ASIC2: variants seen among roughly 807,000 people sequenced by gnomAD.
ASIC2 encodes acid sensing ion channel subunit 2.
Under a neutral mutation model 57.3 loss-of-function variants are expected in ASIC2, and 25 were observed. That is an observed-to-expected ratio of 0.44 (90% confidence interval 0.32 to 0.61). ASIC2 has a LOEUF of 0.61. ASIC2 is among the 20% of genes least tolerant of loss of function. The probability of loss-of-function intolerance (pLI) is 0.06; values close to 1 mark genes in which losing one functional copy is unlikely to be tolerated. For synonymous variants in ASIC2, 319 were observed against 307.5 expected (o/e 1.04, Z -0.39); for missense variants, 641 against 738.1 (o/e 0.87, Z 1.52).
chr17:33,700,196 T>C (rs1908653728), intron 1 of ASIC2, among the ~76,000 whole-genome samples: 1 of 151,900 alleles, frequency 6.6e-6, no homozygotes, highest in African/African-American at 2.4e-5. Flanking sequence ...CCTTGGTAAA[T>C]GGTTAGAATA....
chr17:33,409,639 G>A lies in ASIC2; in HGVS notation c.556-297572C>T, dbSNP rs930252676. On this transcript the variant is annotated intron_variant, in intron 1 of 9. Coordinates refer to the ASIC2 transcript ENST00000359872. ...ATAGAATCGTGGTTAGGAGAGGAGC[G>A]TTTGCAGCAGGCAGCAGTATCTTCT... 6.6e-5 allele frequency among the ~76,000 whole-genome samples: 10 copies of A among 152,316 alleles called. No homozygotes were observed. In the East Asian group the frequency reaches 1.4e-3, roughly 21 times the overall value.
chr17:33,719,638 G>T (rs1476614829), intron 1 of ASIC2, among the ~76,000 whole-genome samples: 6 of 152,224 alleles, frequency 3.9e-5, no homozygotes, highest in Non-Finnish European at 7.3e-5. Flanking sequence ...TCACAGTTGG[G>T]CATGGAGCCT....
chr17:33,285,735 A>T (rs1497366), intron 1 of ASIC2, among the ~76,000 whole-genome samples: 1 of 152,014 alleles, frequency 6.6e-6, no homozygotes, highest in African/African-American at 2.4e-5. Context: ...TCACCTGCTG[A>T]GTCTGTGACT....
intron 1 of ASIC2, among the ~76,000 whole-genome samples, chr17:33,687,843 A>G (rs556880989): frequency 6.6e-6 from 1 of 152,272 alleles, no homozygotes; most frequent in East Asian, 1.9e-4. Context: ...ATTAAGATAA[A>G]TCTGGTTAGA....
chr17:33,442,662 T>G lies in ASIC2; in HGVS notation c.556-330595A>C, dbSNP rs1445602210. 5.9e-5 allele frequency among the ~76,000 whole-genome samples: 9 copies of G among 151,716 alleles called. No individual in the cohort carries two copies. The East Asian group carries it at 7.7e-4, about 13-fold the overall frequency. On this transcript the variant is annotated intron_variant, in intron 1 of 9. Transcript: ENST00000359872. ...TTCACTAGTTATAGTAGTTTCTGGG[T>G]TTTTTTTTCTTTCTTGGTAGATTCC...
intron 1 of ASIC2, among the ~76,000 whole-genome samples, chr17:33,675,581 A>T (rs1192725606): frequency 1.1e-5 from 1 of 93,048 alleles, no homozygotes; most frequent in Non-Finnish European, 2.2e-5. Context: ...TTTTTAAATT[A>T]AAAAAAAATT....
rs1370560967 is a variant in ASIC2, at chr17:33,017,609, T to C, written c.1517A>G (p.Tyr506Cys). The C allele has an allele frequency of 1.9e-6, 3 of 1,612,146 alleles. No individual in the cohort carries two copies. In the South Asian group the frequency reaches 3.3e-5, roughly 18 times the overall value. Residue 506 changes from tyrosine (Y) to cysteine (C), a missense_variant, in exon 8 of 10, where the codon TAT becomes TGT. Tyr to Cys is a radical substitution (Grantham distance 194). Coordinates refer to ENST00000225823, the MANE Select transcript of ASIC2 (RefSeq NM_183377.2). ...LTILELFDYI[Y>C]ELIKEKLLDL... ...GTGGGGAATCCCAAATCTTACCTCA[T>C]AAATATAATCAAAGAGCTCTAGTAT...
At chr17:33,820,085 A>G (rs966091680) in intron 1 of ASIC2, among the ~76,000 whole-genome samples, 1 of 152,214 alleles carries the variant, frequency 6.6e-6, no homozygotes, top group Admixed American at 6.5e-5. Context: ...TACTGTCCAC[A>G]TGTAGCTGTT....
intron 1 of ASIC2, among the ~76,000 whole-genome samples, chr17:33,999,976 G>A (rs1194039182): frequency 6.6e-6 from 1 of 151,598 alleles, no homozygotes; most frequent in African/African-American, 2.4e-5. Context: ...GTTTGTCTGT[G>A]GAAGTCTTTA....
At chr17:33,921,012 C>A (rs1224558128) in intron 1 of ASIC2, among the ~76,000 whole-genome samples, 2 of 152,192 alleles carry the variant, frequency 1.3e-5, no homozygotes, top group Admixed American at 6.5e-5. Flanking sequence ...ACATAGAAAG[C>A]TGTTATAGTA....
intron 1 of ASIC2, among the ~76,000 whole-genome samples, chr17:33,813,766 C>T (rs1912497306): frequency 6.6e-6 from 1 of 151,994 alleles, no homozygotes; most frequent in Non-Finnish European, 1.5e-5. Flanking sequence ...TGAGGGTATC[C>T]TCCTTGCTGG....
chr17:33,725,698 T>C (rs75848324), intron 1 of ASIC2, among the ~76,000 whole-genome samples: 2,889 of 151,082 alleles, frequency 0.019, 107 homozygotes, highest in African/African-American at 0.066. Flanking sequence ...ATGGATGCAA[T>C]TGCATCGCAT....
At chr17:33,647,277 C>A (rs778584167) in intron 1 of ASIC2, among the ~76,000 whole-genome samples, 1 of 152,118 alleles carries the variant, frequency 6.6e-6, no homozygotes, top group Non-Finnish European at 1.5e-5. Context: ...AGGATCCAGC[C>A]CACTCCTTGG....
Position 33,573,335 on chromosome 17 carries a change from A to T in ASIC2, c.556-461268T>A, listed in dbSNP as rs574161845. Among the ~76,000 whole-genome samples, 19 of 152,314 alleles carry T rather than the reference A, an allele frequency of 1.2e-4. No homozygotes were observed. In the South Asian group the frequency reaches 3.9e-3, roughly 32 times the overall value. Reference sequence around the variant, plus strand: ...AAATATAGAAAATAATACAGAGAAAAATTAAACAAATACCCACGGCCCATC... The same window carrying T: ...AAATATAGAAAATAATACAGAGAAATATTAAACAAATACCCACGGCCCATC... On this transcript the variant is annotated intron_variant, in intron 1 of 9. Transcript: ENST00000359872.
At chr17:34,118,927 GATGATCTTTC>G (rs1237040233) in intron 1 of ASIC2, 2 of 152,276 alleles carry the variant, frequency 1.3e-5, no homozygotes, top group East Asian at 1.9e-4. Context: ...CTGACAGACA[GATGATCTTTC>G]ATGATCTTTC....
chr17:33,997,364 G>C (rs2142013243), intron 1 of ASIC2, among the ~76,000 whole-genome samples: 1 of 145,746 alleles, frequency 6.9e-6, no homozygotes, highest in South Asian at 2.2e-4. Flanking sequence ...ATGTTGCCCA[G>C]GGTGGTCTCA....
chr17:33,164,095 C>T (rs1905237549), intron 1 of ASIC2, among the ~76,000 whole-genome samples: 1 of 152,224 alleles, frequency 6.6e-6, no homozygotes, highest in Non-Finnish European at 1.5e-5. Context: ...AAAGCCCATG[C>T]TGACACACTT....
intron 2 of ASIC2, among the ~76,000 whole-genome samples, chr17:33,097,430 C>G (rs555551064): frequency 2.6e-5 from 4 of 152,312 alleles, no homozygotes; most frequent in African/African-American, 9.6e-5. Context: ...AAAGAACAGA[C>G]CCGGGGCCAT....
intron 1 of ASIC2, among the ~76,000 whole-genome samples, chr17:33,174,885 C>T (rs189819173): frequency 7.9e-5 from 12 of 152,218 alleles, no homozygotes; most frequent in Non-Finnish European, 1.5e-4. Flanking sequence ...CTTCTCATGG[C>T]ATAAGTCAGT....
Sources: gnomAD v4.1 joint callset for allele counts (sites outside exome capture counted in the v4.1 genomes callset) on GRCh38, gnomAD v4.1.1 for gene constraint, MANE v1.5 for transcripts, NCBI Gene and HGNC (gene_info 2026-07-23, HGNC 2026-07-21) for gene names.